The following COL6A6 variants were observed in gnomAD, a reference collection of about 807,000 sequenced individuals.
COL6A6 encodes the protein collagen type VI alpha 6 chain.
In COL6A6, 183 loss-of-function variants were observed where a neutral mutation model predicts 208.6. The observed-to-expected ratio is 0.88, with a 90% CI of 0.78 to 0.99. COL6A6 has a LOEUF of 0.99. Ranked by LOEUF, COL6A6 falls within the 50% of genes least tolerant of loss-of-function variation. The pLI, the probability that COL6A6 is intolerant of heterozygous loss-of-function variation, is 0.00. For missense variants in COL6A6, 2,816 were observed against 2,815.2 expected (o/e 1.00, Z -0.01); for synonymous variants, 973 against 1,011.8 (o/e 0.96, Z 0.73).
chr3:130,617,990 G>T (rs191972647), intron 23 of COL6A6, among the ~76,000 whole-genome samples: 6 of 152,232 alleles, frequency 3.9e-5, no homozygotes, highest in Admixed American at 3.3e-4. Flanking sequence ...AGCAGTTGTG[G>T]TTGCCAAGGG....
chr3:130,586,745 T>A (rs935187957), intron 11 of COL6A6, 85 bp downstream of exon 11: 2 of 1,333,656 alleles, frequency 1.5e-6, no homozygotes, highest in African/African-American at 3.0e-5. Flanking sequence ...GAATTTGAAC[T>A]TACTGTGTTT....
chr3:130,673,372 A>C (rs561310096), intron 36 of COL6A6, among the ~76,000 whole-genome samples: 2 of 152,026 alleles, frequency 1.3e-5, no homozygotes, highest in East Asian at 3.9e-4. Flanking sequence ...AGCACTTACT[A>C]ATTTAACAAT....
In COL6A6 at chr3:130,648,405, C is replaced by G. The variant is rs140588077; in HGVS notation, c.5240-664C>G. ...TGTTATTCTAAGTACTTTACCTGTG[C>G]TGATTCATTTAATGCTCACCTCAGG... is the stretch of plus-strand genomic sequence containing the variant. On this transcript the variant is annotated intron_variant, in intron 32 of 36. Transcript: ENST00000358511. 1.2e-3 allele frequency among the ~76,000 whole-genome samples: 179 copies of G among 152,302 alleles called. 2 individuals are homozygous for G. Among genetic ancestry groups the G allele is most frequent in the African/African-American group, 4.1e-3 (169 of 41,556 alleles).
At chr3:130,645,113 G>T in intron 32 of COL6A6, 111 bp downstream of exon 32, 1 of 1,025,674 alleles carries the variant, frequency 9.7e-7, no homozygotes, top group Non-Finnish European at 1.5e-6. Flanking sequence ...ATTTTATCTG[G>T]GCTTTCTTTG....
At chr3:130,667,200 A>C (rs894959295) in intron 36 of COL6A6, among the ~76,000 whole-genome samples, 3 of 152,226 alleles carry the variant, frequency 2.0e-5, no homozygotes, top group African/African-American at 7.2e-5. Flanking sequence ...GGCAATAGTA[A>C]GTGATAAAGT....
At chr3:130,641,601 C>G in intron 28 of COL6A6, 51 bp from the exon 29 acceptor site, 1 of 852,170 alleles carries the variant, frequency 1.2e-6, no homozygotes, top group Non-Finnish European at 1.8e-6. Flanking sequence ...AATTTACACA[C>G]ACACATACAT....
At chr3:130,647,319 C>G (rs2065490442) in intron 32 of COL6A6, among the ~76,000 whole-genome samples, 1 of 152,056 alleles carries the variant, frequency 6.6e-6, no homozygotes, top group South Asian at 2.1e-4. Context: ...TTCATATCTT[C>G]AGCCAGTGCT....
intron 1 of COL6A6, among the ~76,000 whole-genome samples, chr3:130,519,816 A>T (rs1276897269): frequency 2.0e-5 from 3 of 152,252 alleles, no homozygotes; most frequent in Non-Finnish European, 4.4e-5. Flanking sequence ...CATCATCATC[A>T]TTAGATCAGG....
At chr3:130,603,436 ACC>A (rs2064085791) in intron 20 of COL6A6, among the ~76,000 whole-genome samples, 1 of 152,184 alleles carries the variant, frequency 6.6e-6, no homozygotes, top group Non-Finnish European at 1.5e-5. Flanking sequence ...ATAAGCTGTT[ACC>A]AGTGCTATGC....
Position 130,624,517 on chromosome 3 carries a change from G to A in COL6A6, c.4879-1968G>A, listed in dbSNP as rs552118079. On this transcript the variant is annotated intron_variant, in intron 24 of 36. Transcript: ENST00000358511. ...GTGTAGCAATATATGGCATGTAATC[G>A]GGAAATCAAAGTTTGGAACAAAGAC... 1.7e-3 allele frequency among the ~76,000 whole-genome samples: 252 copies of A among 152,234 alleles called. 1 individual carries two copies. Among genetic ancestry groups the A allele is most frequent in the African/African-American group, 5.9e-3 (245 of 41,550 alleles).
chr3:130,652,656 T>C (rs2065678872), intron 33 of COL6A6, among the ~76,000 whole-genome samples: 1 of 152,218 alleles, frequency 6.6e-6, no homozygotes, highest in East Asian at 1.9e-4. Context: ...ATGTCTGATA[T>C]TACAGAAGAG....
intron 27 of COL6A6, 103 bp downstream of exon 27, chr3:130,634,728 T>C (rs2065060150): frequency 3.7e-6 from 3 of 820,414 alleles, no homozygotes; most frequent in South Asian, 1.8e-5. Context: ...TAAATAAATG[T>C]CCTACCTTTG....
chr3:130,640,192 C>A (rs540951007), intron 28 of COL6A6, among the ~76,000 whole-genome samples: 1 of 152,356 alleles, frequency 6.6e-6, no homozygotes, highest in Non-Finnish European at 1.5e-5. Flanking sequence ...GCCAAATCCT[C>A]AGCCTTCTGG....
chr3:130,585,864 G>A (rs1347015919), intron 10 of COL6A6, among the ~76,000 whole-genome samples: 1 of 152,242 alleles, frequency 6.6e-6, no homozygotes, highest in Non-Finnish European at 1.5e-5. Context: ...AGTGTGGGAT[G>A]GGGCCTGAGA....
At chr3:130,576,201 A>C (rs1487504175) in intron 8 of COL6A6, among the ~76,000 whole-genome samples, 1 of 152,170 alleles carries the variant, frequency 6.6e-6, no homozygotes, top group Non-Finnish European at 1.5e-5. Flanking sequence ...CTCATGCTTT[A>C]GAATTTCCAG....
chr3:130,609,321 G>C (rs2064281978), intron 22 of COL6A6, among the ~76,000 whole-genome samples: 1 of 152,144 alleles, frequency 6.6e-6, no homozygotes, highest in Admixed American at 6.6e-5. Context: ...TACATATCTT[G>C]GTGCTCATGA....
chr3:130,625,437 CTCAACCAGAAGA>C (rs1415692308), intron 24 of COL6A6, among the ~76,000 whole-genome samples: 1 of 152,148 alleles, frequency 6.6e-6, no homozygotes, highest in African/African-American at 2.4e-5. Context: ...CTGCCATTAT[CTCAACCAGAAGA>C]TCAAGGTTAA....
rs78599463 is a variant in COL6A6, at chr3:130,594,567, A to C, written c.4533+224A>C. 8.3e-3 allele frequency: 3,520 copies of C among 425,698 alleles called. 119 individuals are homozygous for C. The highest frequency in any genetic ancestry group is 0.066 in the African/African-American group (3,202 of 48,864). The allele number at this position is 425,698 out of a possible 1,614,324, so 26.4% of individuals were successfully genotyped here. A position where few individuals can be genotyped will look rare whatever the true frequency, so the allele number is the denominator to read the frequency against. ...ATGTCTTTTGCAAATGCAATTTTGT[A>C]AATACATACTCAGAATTGTTTTTGT... On this transcript the variant is annotated intron_variant, in intron 18 of 36. Transcript: ENST00000358511.
At chr3:130,594,449 C>A in intron 18 of COL6A6, 106 bp downstream of exon 18, 1 of 800,334 alleles carries the variant, frequency 1.2e-6, no homozygotes, top group Non-Finnish European at 2.1e-6. Flanking sequence ...GAGTTTAAAA[C>A]ACCACAGGCA....
Sources: allele counts gnomAD v4.1 joint callset (sites outside exome capture counted in the v4.1 genomes callset), GRCh38; gene constraint gnomAD v4.1.1; transcripts MANE v1.5; gene names NCBI Gene and HGNC (gene_info 2026-07-23, HGNC 2026-07-21).